The following ADAMTSL1 variants were observed in gnomAD, a reference collection of about 807,000 sequenced individuals.
ADAMTSL1 encodes ADAMTS like 1.
Under a neutral mutation model 201.8 loss-of-function variants are expected in ADAMTSL1, and 126 were observed. The observed-to-expected ratio is 0.62, with a 90% confidence interval of 0.54 to 0.72. The LOEUF (loss-of-function observed/expected upper bound fraction) is 0.72. Ranked by LOEUF, ADAMTSL1 falls within the 30% of genes least tolerant of loss-of-function variation. The probability of loss-of-function intolerance (pLI) is 0.00; values close to 1 mark genes in which losing one functional copy is unlikely to be tolerated. For synonymous variants in ADAMTSL1, 1,121 were observed against 903.4 expected (o/e 1.24, Z -4.32); for missense variants, 2,679 against 2,277.8 (o/e 1.18, Z -3.59).
intron 2 of ADAMTSL1, among the ~76,000 whole-genome samples, chr9:18,354,630 G>A (rs552045505): frequency 6.6e-6 from 1 of 152,154 alleles, no homozygotes; most frequent in African/African-American, 2.4e-5. Flanking sequence ...AGTGGTTAAA[G>A]GTGGGAGAGT....
chr9:18,053,779 T>C (rs887537514), intron 1 of ADAMTSL1, among the ~76,000 whole-genome samples: 3 of 152,180 alleles, frequency 2.0e-5, no homozygotes, highest in Admixed American at 6.5e-5. Context: ...TGTACCAGGC[T>C]CCGAGGAGGC....
intron 4 of ADAMTSL1, among the ~76,000 whole-genome samples, chr9:18,584,055 G>A (rs1421497102): frequency 6.6e-6 from 1 of 152,162 alleles, no homozygotes; most frequent in Non-Finnish European, 1.5e-5. Context: ...TGTTGAGAAG[G>A]ATGATTGTAA....
chr9:18,850,349 C>T (rs1245308485), intron 23 of ADAMTSL1, among the ~76,000 whole-genome samples: 1 of 152,222 alleles, frequency 6.6e-6, no homozygotes, highest in Non-Finnish European at 1.5e-5. Context: ...CCAATAAATC[C>T]TTCCTCAGCC....
At chr9:17,950,064 A>G (rs1337505586) in intron 1 of ADAMTSL1, among the ~76,000 whole-genome samples, 10 of 151,942 alleles carry the variant, frequency 6.6e-5, no homozygotes, top group Non-Finnish European at 8.8e-5. Flanking sequence ...AATTATAGGC[A>G]TGCACCGCCA....
chr9:18,262,055 G>T, intron 2 of ADAMTSL1, among the ~76,000 whole-genome samples: 1 of 152,144 alleles, frequency 6.6e-6, no homozygotes, highest in African/African-American at 2.4e-5. Context: ...TATAAAATGA[G>T]AATTTGACTA....
At chr9:18,028,934 C>T (rs963923850) in intron 1 of ADAMTSL1, among the ~76,000 whole-genome samples, 1 of 152,206 alleles carries the variant, frequency 6.6e-6, no homozygotes, top group Admixed American at 6.5e-5. Context: ...TCTTTGATTT[C>T]ATTGAGCAGT....
intron 1 of ADAMTSL1, among the ~76,000 whole-genome samples, chr9:18,040,025 G>A (rs1336789430): frequency 6.6e-6 from 1 of 152,130 alleles, no homozygotes; most frequent in East Asian, 1.9e-4. Context: ...GGATGGTCCT[G>A]ACTTATGCCT....
At chr9:18,862,816 G>C (rs1827291781) in intron 23 of ADAMTSL1, among the ~76,000 whole-genome samples, 1 of 152,190 alleles carries the variant, frequency 6.6e-6, no homozygotes, top group African/African-American at 2.4e-5. Context: ...GGTGGCACCT[G>C]CCAGCAGCCT....
intron 1 of ADAMTSL1, among the ~76,000 whole-genome samples, chr9:17,965,777 A>G (rs1403559832): frequency 6.6e-6 from 1 of 152,130 alleles, no homozygotes; most frequent in Non-Finnish European, 1.5e-5. Context: ...AGTGTGGTTG[A>G]CTGTTTCTCC....
chr9:18,276,735 G>A (rs1832602964), intron 2 of ADAMTSL1, among the ~76,000 whole-genome samples: 2 of 152,132 alleles, frequency 1.3e-5, no homozygotes, highest in African/African-American at 2.4e-5. Context: ...GGAGGTAAGA[G>A]GTGCCAAGTT....
At chr9:18,200,814 C>T (rs562686118) in intron 2 of ADAMTSL1, among the ~76,000 whole-genome samples, 45 of 151,576 alleles carry the variant, frequency 3.0e-4, no homozygotes, top group Middle Eastern at 3.4e-3. Flanking sequence ...TCATGTGATC[C>T]GAGTAACAGA....
chr9:18,903,989 C>G (rs1411213560), intron 26 of ADAMTSL1, among the ~76,000 whole-genome samples: 1 of 151,336 alleles, frequency 6.6e-6, no homozygotes, highest in Non-Finnish European at 1.5e-5. Flanking sequence ...GATGGGGTCT[C>G]ACTATGTTGT....
At chr9:18,769,605 C>T (rs1262030197) in intron 16 of ADAMTSL1, among the ~76,000 whole-genome samples, 1 of 152,204 alleles carries the variant, frequency 6.6e-6, no homozygotes, top group Non-Finnish European at 1.5e-5. Flanking sequence ...TTGTTTGTGA[C>T]AGCCCAAGAT....
intron 15 of ADAMTSL1, among the ~76,000 whole-genome samples, chr9:18,746,486 G>T (rs79987297): frequency 0.018 from 2,700 of 152,266 alleles, 39 homozygotes; most frequent in Non-Finnish European, 0.026. Flanking sequence ...CAAGTTTAAA[G>T]AATACTTCTA....
At chr9:18,411,599 C>G (rs7854546) in intron 2 of ADAMTSL1, among the ~76,000 whole-genome samples, 1 of 151,972 alleles carries the variant, frequency 6.6e-6, no homozygotes, top group South Asian at 2.1e-4. Flanking sequence ...TTATCAGAAT[C>G]GTTATATATA....
intron 4 of ADAMTSL1, among the ~76,000 whole-genome samples, chr9:18,594,608 T>G (rs930422667): frequency 1.2e-4 from 19 of 152,362 alleles, no homozygotes; most frequent in Admixed American, 2.6e-4. Context: ...TTATGCTCTC[T>G]CTTACATTTT....
At chr9:17,949,955 G>C (rs1181683449) in intron 1 of ADAMTSL1, among the ~76,000 whole-genome samples, 2 of 152,068 alleles carry the variant, frequency 1.3e-5, no homozygotes, top group East Asian at 3.9e-4. Context: ...GTCTGGCTCT[G>C]TCACCCAGGC....
chr9:17,933,507 C>G (rs1207234754), intron 1 of ADAMTSL1, among the ~76,000 whole-genome samples: 1 of 152,156 alleles, frequency 6.6e-6, no homozygotes, highest in Admixed American at 6.6e-5. Context: ...GTCATTGGAT[C>G]TTCATCTAGG....
At chr9:18,199,285 G>A (rs1011463139) in intron 2 of ADAMTSL1, among the ~76,000 whole-genome samples, 21 of 151,838 alleles carry the variant, frequency 1.4e-4, no homozygotes, top group South Asian at 1.2e-3. Context: ...AAAAAAGTAC[G>A]GCTTCTCTGT....
Sources: allele counts gnomAD v4.1 joint callset (sites outside exome capture counted in the v4.1 genomes callset), GRCh38; gene constraint gnomAD v4.1.1; transcripts MANE v1.5; gene names NCBI Gene and HGNC (gene_info 2026-07-23, HGNC 2026-07-21).